Variants in GLOD5 observed in about 807,000 individuals in gnomAD.
GLOD5 encodes the protein glyoxalase domain-containing protein 5.
In GLOD5, 7 loss-of-function variants were observed where a neutral mutation model predicts 9.9. That is an observed-to-expected ratio of 0.71 (90% CI 0.40 to 1.33). GLOD5 has a LOEUF of 1.33. GLOD5 is among the 40% of genes most tolerant of loss of function. The probability of loss-of-function intolerance (pLI) is 0.01; values close to 1 mark genes in which losing one functional copy is unlikely to be tolerated. For missense variants in GLOD5, 146 were observed against 128.4 expected, an observed-to-expected ratio of 1.14 and a Z score of -0.66; for synonymous variants, 49 against 47.3, an observed-to-expected ratio of 1.04 and a Z score of -0.14.
At chrX:48,771,141 A>G (rs982468790) in intron 3 of GLOD5, 59 bp downstream of exon 3, 1 of 979,642 alleles carries the variant, frequency 1.0e-6, no homozygotes, top group Admixed American at 3.2e-5. Context: ...AAAACAGAAG[A>G]ATGACCCAGA....
At chrX:48,766,271 C>A in intron 2 of GLOD5, 1 of 206,931 alleles carries the variant, frequency 4.8e-6, no homozygotes, top group Non-Finnish European at 8.7e-6. Flanking sequence ...TATAGAACAT[C>A]AAACTGAAAA....
chrX:48,761,956 T>C lies in GLOD5; in HGVS notation c.63+103T>C. 6.8e-6 allele frequency: 4 copies of C among 586,786 alleles called. 1 individual carries two copies. In the Middle Eastern group the frequency reaches 1.3e-3, roughly 187 times the overall value. 48.4% of individuals were successfully genotyped at this position (586,786 alleles called of 1,213,427 possible). ...TGCGGGCTCCCATTTCCTGTCCTCC[T>C]CTCTCCCTTTCTCTTTCAGAGACAA... On this transcript the variant is annotated intron_variant, in intron 1 of 3. Coordinates refer to ENST00000303227, the MANE Select transcript of GLOD5 (RefSeq NM_001080489.3).
chrX:48,761,751 G>A lies in GLOD5; in HGVS notation c.-40G>A, dbSNP rs1557016018. 2 of 1,121,381 alleles carry A rather than the reference G, an allele frequency of 1.8e-6. No individual in the cohort carries two copies. The highest frequency in any genetic ancestry group is 2.0e-5 in the South Asian group (1 of 50,988). The allele number at this position is 1,121,381 out of a possible 1,213,427, so 92.4% of individuals were successfully genotyped here. A position where few individuals can be genotyped will look rare whatever the true frequency, so the allele number is the denominator to read the frequency against. On this transcript the variant is annotated 5_prime_UTR_variant, in exon 1 of 4. Transcript: ENST00000303227. ...TTGATCTCCAGGCGCTGAGCCAGAG[G>A]ATTGTCGGGAGGACCCTGGGCAAAG... is the stretch of plus-strand genomic sequence containing the variant.
At position 48,773,330 on chromosome X, in the gene GLOD5, G is replaced by A. The variant is rs781998129; in HGVS notation, c.378G>A (p.Glu126=). The A allele has an allele frequency of 1.7e-6, 2 of 1,210,435 alleles. No individual in the cohort carries two copies. Among genetic ancestry groups the A allele is most frequent in the Middle Eastern group, 2.3e-4 (1 of 4,348 alleles). The part of the protein sequence containing the change: ...QHLKACDVPI[E]EGPVPRTGAK... ...TTCAGGCTTGTGATGTCCCTATTGA[G>A]GAGGGGCCAGTCCCCAGAACAGGGG... Residue 126 remains glutamate (E), a synonymous_variant, in exon 4 of 4, where the codon GAG becomes GAA. Transcript: ENST00000303227.
intron 2 of GLOD5, among the ~76,000 whole-genome samples, chrX:48,769,790 C>T (rs1211044085): frequency 1.8e-4 from 19 of 107,115 alleles, no homozygotes; most frequent in Non-Finnish European, 3.9e-5. Context: ...CCAGCCTGGG[C>T]AACACGGGGA....
intron 1 of GLOD5, among the ~76,000 whole-genome samples, chrX:48,762,793 A>G (rs2062599736): frequency 9.1e-6 from 1 of 110,238 alleles, no homozygotes; most frequent in African/African-American, 3.3e-5. Context: ...TTGTAACTTC[A>G]CCTCCAAGAG....
intron 1 of GLOD5, among the ~76,000 whole-genome samples, chrX:48,763,467 C>G (rs1440274025): frequency 9.1e-6 from 1 of 110,340 alleles, no homozygotes; most frequent in Non-Finnish European, 1.9e-5. Flanking sequence ...ATTGCTTGAG[C>G]CCAGGAATTC....
intron 2 of GLOD5, among the ~76,000 whole-genome samples, chrX:48,766,882 G>A (rs1462143739): frequency 5.0e-5 from 5 of 100,590 alleles, no homozygotes; most frequent in East Asian, 3.1e-4. Context: ...GCCGGGCACA[G>A]TGGCTCACAC....
intron 3 of GLOD5, among the ~76,000 whole-genome samples, chrX:48,772,470 T>C (rs1352597714): frequency 2.7e-5 from 3 of 111,148 alleles, no homozygotes; most frequent in African/African-American, 6.5e-5. Flanking sequence ...TGAGCCCAGG[T>C]TGAGGCTGTA....
At chrX:48,769,268 A>G (rs2062616335) in intron 2 of GLOD5, among the ~76,000 whole-genome samples, 1 of 107,656 alleles carries the variant, frequency 9.3e-6, no homozygotes, top group African/African-American at 3.4e-5. Flanking sequence ...CTTTGAGAGG[A>G]TGAGGCAGGA....
Position 48,773,421 on chromosome X carries a change from T to C in GLOD5, c.469T>C (p.Tyr157His). ...PDRNLIEVSNYISS is the reference protein window; with the variant it reads ...PDRNLIEVSNHISS Reference sequence around the variant, plus strand: ...CAGAAATCTGATTGAGGTGTCCAACTACATCTCCTCGTGATGGAGGCTGGA... The same window carrying C: ...CAGAAATCTGATTGAGGTGTCCAACCACATCTCCTCGTGATGGAGGCTGGA... Residue 157 changes from tyrosine to histidine, a missense_variant, in exon 4 of 4, where the codon TAC becomes CAC. Tyr to His is a moderately conservative substitution (Grantham distance 83, BLOSUM62 2). Transcript: ENST00000303227. 1 of 1,209,349 alleles carries C rather than the reference T, an allele frequency of 8.3e-7. No individual in the cohort carries two copies. The highest frequency in any genetic ancestry group is 3.0e-5 in the East Asian group (1 of 33,772).
In GLOD5 at chrX:48,772,461, G is replaced by C. The variant is rs183556106; in HGVS notation, c.358-849G>C. ...AGGCTAAGAGGTGGGAGGATCGTTT[G>C]AGCCCAGGTTGAGGCTGTAGTGAGC... On this transcript the variant is annotated intron_variant, in intron 3 of 3. Transcript: ENST00000303227. 1.4e-3 allele frequency among the ~76,000 whole-genome samples: 159 copies of C among 111,377 alleles called. 1 individual carries two copies. The Admixed American group carries it at 0.014, about 10-fold the overall frequency.
intron 1 of GLOD5, chrX:48,762,313 G>A (rs2062598336): frequency 8.5e-6 from 1 of 117,472 alleles, no homozygotes; most frequent in South Asian, 3.6e-4. Flanking sequence ...GAAGGACATG[G>A]TGTTCCGGGC....
At chrX:48,766,678 G>A (rs1041110448) in intron 2 of GLOD5, among the ~76,000 whole-genome samples, 4 of 109,983 alleles carry the variant, frequency 3.6e-5, no homozygotes, top group African/African-American at 1.3e-4. Flanking sequence ...TTGAGCCTGG[G>A]AGGCAGAGGT....
At chrX:48,761,918 T>C (rs1333883477) in intron 1 of GLOD5, 65 bp downstream of exon 1, 2 of 846,484 alleles carry the variant, frequency 2.4e-6, no homozygotes, top group African/African-American at 2.1e-5. Flanking sequence ...TCTAGTAACC[T>C]GTTTCCCTTC....
In GLOD5 at chrX:48,773,298, T is replaced by C. The variant is rs55945611; in HGVS notation, c.358-12T>C. ...TTTGACGAACGACTTTTGTCTTTTC[T>C]TCCCACTTCAGGCTTGTGATGTCCC... On this transcript the variant is annotated splice_polypyrimidine_tract_variant and intron_variant, in intron 3 of 3. Coordinates refer to ENST00000303227, the MANE Select transcript of GLOD5 (RefSeq NM_001080489.3). 1 of 1,210,745 alleles carries C rather than the reference T, an allele frequency of 8.3e-7. No individual in the cohort carries two copies.
intron 3 of GLOD5, among the ~76,000 whole-genome samples, chrX:48,772,297 A>C (rs895593358): frequency 1.8e-5 from 2 of 110,210 alleles, no homozygotes; most frequent in African/African-American, 6.6e-5. Flanking sequence ...GTGCTTTAGG[A>C]GGCCAAGGAG....
chrX:48,771,753 G>A (rs1337812891), intron 3 of GLOD5, among the ~76,000 whole-genome samples: 3 of 112,133 alleles, frequency 2.7e-5, no homozygotes, highest in African/African-American at 9.7e-5. Flanking sequence ...AGCCACTTCC[G>A]TTCCCTGTAC....
intron 2 of GLOD5, among the ~76,000 whole-genome samples, chrX:48,767,807 G>T (rs1158463021): frequency 9.0e-6 from 1 of 111,279 alleles, no homozygotes; most frequent in Non-Finnish European, 1.9e-5. Context: ...AGAAGTGGGG[G>T]AGGCTGTGCA....
Sources: gnomAD v4.1 joint callset for allele counts (sites outside exome capture counted in the v4.1 genomes callset) on GRCh38, gnomAD v4.1.1 for gene constraint, MANE v1.5 for transcripts, NCBI Gene and HGNC (gene_info 2026-07-23, HGNC 2026-07-21) for gene names.